RSRC1: variants seen among roughly 807,000 people sequenced by gnomAD.
RSRC1 encodes the protein arginine and serine rich coiled-coil 1.
In RSRC1, 39 loss-of-function variants were observed where a neutral mutation model predicts 49.1. The observed-to-expected ratio is 0.79, with a 90% CI of 0.61 to 1.04. The LOEUF (loss-of-function observed/expected upper bound fraction) is 1.04. RSRC1 is among the 50% of genes least tolerant of loss of function. The pLI, the probability that RSRC1 is intolerant of heterozygous loss-of-function variation, is 0.00. For missense variants in RSRC1, 388 were observed against 402.4 expected (o/e 0.96, Z 0.31); for synonymous variants, 143 against 130.8 (o/e 1.09, Z -0.63).
At chr3:158,196,580 G>A (rs954299458) in intron 3 of RSRC1, among the ~76,000 whole-genome samples, 6 of 152,242 alleles carry the variant, frequency 3.9e-5, no homozygotes, top group Admixed American at 3.3e-4. Flanking sequence ...TCTTGTGCCA[G>A]TTTTCAAAGG....
intron 6 of RSRC1, among the ~76,000 whole-genome samples, chr3:158,409,460 A>C (rs1371323214): frequency 6.6e-6 from 1 of 152,122 alleles, no homozygotes; most frequent in Admixed American, 6.5e-5. Flanking sequence ...TATTAAATCT[A>C]TTTATTTTCT....
chr3:158,368,738 T>C (rs895642074), intron 6 of RSRC1, among the ~76,000 whole-genome samples: 1 of 152,210 alleles, frequency 6.6e-6, no homozygotes, highest in African/African-American at 2.4e-5. Flanking sequence ...TCATTGTAAC[T>C]TATCTATTGT....
chr3:158,133,943 C>T (rs73025944), intron 3 of RSRC1, among the ~76,000 whole-genome samples: 8 of 152,188 alleles, frequency 5.3e-5, no homozygotes, highest in Admixed American at 2.0e-4. Context: ...TCCAGAAAGA[C>T]GGCGGCTGAT....
intron 3 of RSRC1, among the ~76,000 whole-genome samples, chr3:158,144,852 T>C (rs1036314431): frequency 1.1e-4 from 16 of 152,344 alleles, no homozygotes; most frequent in Middle Eastern, 3.4e-3. Context: ...TGGTATCTCA[T>C]TGAGGTTTTG....
At chr3:158,224,685 C>T (rs1722423644) in intron 4 of RSRC1, among the ~76,000 whole-genome samples, 1 of 151,752 alleles carries the variant, frequency 6.6e-6, no homozygotes, top group South Asian at 2.1e-4. Flanking sequence ...CTCCCCTCCA[C>T]TTTACATTGG....
At chr3:158,415,097 A>G (rs957355086) in intron 6 of RSRC1, among the ~76,000 whole-genome samples, 1 of 152,140 alleles carries the variant, frequency 6.6e-6, no homozygotes, top group East Asian at 1.9e-4. Flanking sequence ...TAGTTCCTGT[A>G]TATGTGCCAG....
chr3:158,162,620 C>G (rs1718297938), intron 3 of RSRC1, among the ~76,000 whole-genome samples: 1 of 152,118 alleles, frequency 6.6e-6, no homozygotes, highest in African/African-American at 2.4e-5. Context: ...CTGTAAGGAA[C>G]CATTGCTTCT....
At chr3:158,237,221 G>A (rs533135933) in intron 4 of RSRC1, among the ~76,000 whole-genome samples, 13 of 152,214 alleles carry the variant, frequency 8.5e-5, no homozygotes, top group South Asian at 2.1e-4. Flanking sequence ...AAGTCTTTGC[G>A]GAGAGATGTG....
In RSRC1 at chr3:158,263,230, A is replaced by C. The variant is rs1724994353; in HGVS notation, c.495-34809A>C. On this transcript the variant is annotated intron_variant, in intron 4 of 9. Coordinates refer to ENST00000611884, the MANE Select transcript of RSRC1 (RefSeq NM_001271838.2). ...GTCCTAGTGTGCTGAGAATTTTTTA[A>C]GAAATGGTTGTTTTATTTTGTCAAA... is the stretch of plus-strand genomic sequence containing the variant. 2.0e-5 allele frequency among the ~76,000 whole-genome samples: 3 copies of C among 152,124 alleles called. No individual in the cohort carries two copies. The South Asian group carries it at 6.2e-4, about 31-fold the overall frequency.
chr3:158,530,893 A>AT (rs1712349084), intron 7 of RSRC1, among the ~76,000 whole-genome samples: 2 of 134,160 alleles, frequency 1.5e-5, no homozygotes, highest in Admixed American at 7.6e-5. Flanking sequence ...TTAGAGTATA[A>AT]TAAAAAAAAA....
chr3:158,269,097 G>T (rs535436970), intron 4 of RSRC1, among the ~76,000 whole-genome samples: 1 of 152,242 alleles, frequency 6.6e-6, no homozygotes, highest in East Asian at 1.9e-4. Flanking sequence ...TTAAGGTTGA[G>T]AATCTTTTTA....
In RSRC1 at chr3:158,515,821, C is replaced by T. The variant is rs1263604058; in HGVS notation, c.653-21271C>T. ...TTCTTTTTATTCTTTTTTCTGTAAA[C>T]TTCCCTTCTTACTTCATTTCATTCA... On this transcript the variant is annotated intron_variant, in intron 7 of 9. Coordinates refer to ENST00000611884, the MANE Select transcript of RSRC1 (RefSeq NM_001271838.2). Among the ~76,000 whole-genome samples, 6 of 152,208 alleles carry T rather than the reference C, an allele frequency of 3.9e-5. No individual in the cohort carries two copies. In the East Asian group the frequency reaches 1.2e-3, roughly 29 times the overall value.
chr3:158,161,181 T>C (rs962801379), intron 3 of RSRC1, among the ~76,000 whole-genome samples: 20 of 152,112 alleles, frequency 1.3e-4, no homozygotes, highest in African/African-American at 4.8e-4. Flanking sequence ...AAAAAGTATT[T>C]ATTGCTCACA....
chr3:158,110,488 A>C (rs113559197), intron 1 of RSRC1: 1 of 152,604 alleles, frequency 6.6e-6, no homozygotes, highest in African/African-American at 2.4e-5. Flanking sequence ...TCTTGAGGAC[A>C]TGTCGGAGAG....
At chr3:158,287,020 G>T (rs1285840690) in intron 4 of RSRC1, among the ~76,000 whole-genome samples, 2 of 152,116 alleles carry the variant, frequency 1.3e-5, no homozygotes, top group Admixed American at 1.3e-4. Context: ...TAGAGACAGG[G>T]TTTCACTGTG....
chr3:158,461,997 GAAA>G (rs3086337), intron 7 of RSRC1, among the ~76,000 whole-genome samples: 12,542 of 119,152 alleles, frequency 0.11, 584 homozygotes, highest in East Asian at 0.16. Flanking sequence ...AAAACCAAGC[GAAA>G]AAAAAAAAAA....
chr3:158,348,025 T>C (rs1424636513), intron 5 of RSRC1, among the ~76,000 whole-genome samples: 1 of 152,232 alleles, frequency 6.6e-6, no homozygotes, highest in Admixed American at 6.5e-5. Context: ...TCCTCTGTGT[T>C]ACAAACAATT....
At chr3:158,398,983 T>C (rs1290779478) in intron 6 of RSRC1, among the ~76,000 whole-genome samples, 1 of 147,084 alleles carries the variant, frequency 6.8e-6, no homozygotes, top group Non-Finnish European at 1.5e-5. Flanking sequence ...TTTGTATTTG[T>C]GTGTGTGTGT....
chr3:158,216,133 G>A (rs1721930687), intron 4 of RSRC1, among the ~76,000 whole-genome samples: 1 of 151,480 alleles, frequency 6.6e-6, no homozygotes, highest in African/African-American at 2.4e-5. Flanking sequence ...TGGTGCAGAA[G>A]TAATTGCGAT....
Sources: allele counts gnomAD v4.1 joint callset (sites outside exome capture counted in the v4.1 genomes callset), GRCh38; gene constraint gnomAD v4.1.1; transcripts MANE v1.5; gene names NCBI Gene and HGNC (gene_info 2026-07-23, HGNC 2026-07-21).